Variants in TTC6 observed in about 807,000 individuals in gnomAD.
The protein encoded by TTC6 is tetratricopeptide repeat protein 6.
Under a neutral mutation model 210.4 loss-of-function variants are expected in TTC6, and 172 were observed. The observed-to-expected ratio is 0.82, with a 90% CI of 0.72 to 0.93. The LOEUF is 0.93. TTC6 is among the 40% of genes least tolerant of loss of function. The pLI is 0.00. For missense variants in TTC6, 2,414 were observed against 2,318.1 expected (o/e 1.04, Z -0.85); for synonymous variants, 804 against 819.6 (o/e 0.98, Z 0.32).
At chr14:37,651,434 TTTTTTTTTTTTTTTTTTTTCC>T (rs1400237434) in intron 1 of TTC6, among the ~76,000 whole-genome samples, 1 of 36,976 alleles carries the variant, frequency 2.7e-5, no homozygotes, top group African/African-American at 1.5e-4. Context: ...TATTTTTTTT[TTTTTTTTTTTTTTTTTTTTCC>T]ATCCATGATT....
At chr14:37,833,588 A>G (rs2096191046) in intron 29 of TTC6, among the ~76,000 whole-genome samples, 2 of 152,090 alleles carry the variant, frequency 1.3e-5, no homozygotes, top group Non-Finnish European at 2.9e-5. Flanking sequence ...GGAAATTTAA[A>G]CTGGTTACAT....
intron 6 of TTC6, among the ~76,000 whole-genome samples, chr14:37,720,815 T>G (rs1183192598): frequency 1.3e-5 from 2 of 152,144 alleles, no homozygotes; most frequent in African/African-American, 2.4e-5. Flanking sequence ...GAATAGTGGT[T>G]TCCAGGTTTT....
At chr14:37,824,853 G>A (rs1288523715) in intron 27 of TTC6, among the ~76,000 whole-genome samples, 5 of 152,096 alleles carry the variant, frequency 3.3e-5, no homozygotes, top group South Asian at 4.1e-4. Context: ...GAGACAAGAG[G>A]GCCCAAGTGA....
At chr14:37,664,067 G>A (rs1439829990) in intron 1 of TTC6, among the ~76,000 whole-genome samples, 3 of 150,478 alleles carry the variant, frequency 2.0e-5, no homozygotes, top group African/African-American at 7.3e-5. Flanking sequence ...TGTGAAAATG[G>A]CCATACTGCC....
chr14:37,687,909 G>A (rs554677431), intron 3 of TTC6, among the ~76,000 whole-genome samples: 1 of 152,286 alleles, frequency 6.6e-6, no homozygotes, highest in Admixed American at 6.5e-5. Flanking sequence ...CTTGAGAAAA[G>A]TGGAGGCAAA....
At position 37,753,119 on chromosome 14, in the gene TTC6, A is replaced by C. The variant is rs192196973; in HGVS notation, c.3150A>C (p.Lys1050Asn). 7.0e-5 allele frequency: 108 copies of C among 1,534,848 alleles called. No individual in the cohort carries two copies. The East Asian group carries it at 2.6e-3, about 37-fold the overall frequency. The change falls in exon 14 of 31, where the codon AAA becomes AAC. Residue 1050 changes from lysine to asparagine, a missense_variant. By Grantham distance (94) the Lys-to-Asn change is moderately conservative (BLOSUM62 0). Transcript: ENST00000553443. The stretch of plus-strand genomic sequence containing the variant: ...TATAGTGTATTTTTTATGATCCCAA[A>C]AGAACAGATGCATTATTGAAACGTG...
intron 26 of TTC6, among the ~76,000 whole-genome samples, chr14:37,820,388 A>G (rs1207960462): frequency 1.3e-5 from 2 of 152,204 alleles, no homozygotes; most frequent in Non-Finnish European, 2.9e-5. Context: ...TAGTGCTGAT[A>G]ACTTGATGGG....
intron 1 of TTC6, among the ~76,000 whole-genome samples, chr14:37,658,240 T>G (rs1358812964): frequency 6.6e-6 from 1 of 152,236 alleles, no homozygotes; most frequent in Non-Finnish European, 1.5e-5. Flanking sequence ...AGAACTGTTC[T>G]TAGCTTATAG....
At chr14:37,837,473 A>G (rs967909738) in intron 29 of TTC6, 5 of 449,540 alleles carry the variant, frequency 1.1e-5, no homozygotes, top group African/African-American at 2.0e-5. Flanking sequence ...CCCAGGGATG[A>G]GATGGATTTT....
chr14:37,710,576 A>T (rs1263519637), intron 5 of TTC6, among the ~76,000 whole-genome samples: 1 of 152,112 alleles, frequency 6.6e-6, no homozygotes, highest in African/African-American at 2.4e-5. Flanking sequence ...CTTTCTTAGC[A>T]TATTCTGTGT....
intron 5 of TTC6, among the ~76,000 whole-genome samples, chr14:37,708,005 C>T (rs1216824125): frequency 4.0e-5 from 6 of 151,784 alleles, no homozygotes; most frequent in Admixed American, 2.6e-4. Context: ...TCTCTGTGAT[C>T]GTTAAAAATA....
chr14:37,744,569 T>C (rs1424985404), intron 10 of TTC6, among the ~76,000 whole-genome samples: 1 of 152,142 alleles, frequency 6.6e-6, no homozygotes, highest in East Asian at 1.9e-4. Context: ...ACAGAGTGAG[T>C]GCAGGGTGGA....
At chr14:37,744,344 T>C (rs1014122742) in intron 10 of TTC6, among the ~76,000 whole-genome samples, 1 of 152,056 alleles carries the variant, frequency 6.6e-6, no homozygotes, top group Non-Finnish European at 1.5e-5. Flanking sequence ...AAGTGACAAA[T>C]GTAATGAAGA....
chr14:37,635,418 A>G (rs1484242255), intron 1 of TTC6, among the ~76,000 whole-genome samples: 3 of 152,234 alleles, frequency 2.0e-5, no homozygotes, highest in Admixed American at 6.5e-5. Flanking sequence ...GAACAAAAAG[A>G]AAACAAAAAA....
At chr14:37,727,204 G>A (rs571133606) in intron 7 of TTC6, among the ~76,000 whole-genome samples, 50 of 148,574 alleles carry the variant, frequency 3.4e-4, no homozygotes, top group Admixed American at 1.7e-3. Flanking sequence ...TTAATTCAAT[G>A]TTGTTACTTC....
chr14:37,733,737 T>C (rs1244207071), intron 7 of TTC6, among the ~76,000 whole-genome samples: 2 of 152,158 alleles, frequency 1.3e-5, no homozygotes. Context: ...GAGTTTGTAG[T>C]TGACATCTTT....
chr14:37,717,998 G>T (rs1252606699), intron 6 of TTC6, among the ~76,000 whole-genome samples: 1 of 152,180 alleles, frequency 6.6e-6, no homozygotes, highest in African/African-American at 2.4e-5. Context: ...GACACAGTAA[G>T]AAGGCCTACA....
exon 18 of TTC6, chr14:37,795,295 A>G: frequency 2.0e-6 from 3 of 1,532,814 alleles, no homozygotes; most frequent in Non-Finnish European, 2.6e-6. Context: ...AAGGCAGTAA[A>G]TGAATTGTCT....
chr14:37,619,882 G>T (rs1296336593), upstream of TTC6, among the ~76,000 whole-genome samples: 1 of 150,988 alleles, frequency 6.6e-6, no homozygotes, highest in African/African-American at 2.4e-5. Flanking sequence ...TCAGAGTTTT[G>T]CACTGGCATG....
Sources: allele counts gnomAD v4.1 joint callset (sites outside exome capture counted in the v4.1 genomes callset), GRCh38; gene constraint gnomAD v4.1.1; transcripts MANE v1.5; gene names NCBI Gene and HGNC (gene_info 2026-07-23, HGNC 2026-07-21).